The following TPO variants were observed in gnomAD, a reference collection of about 807,000 sequenced individuals.
TPO encodes thyroid peroxidase.
TPO carries 78 observed loss-of-function variants against 96.9 expected under a neutral mutation model. The ratio of observed to expected loss-of-function variants is 0.81; its 90% CI spans 0.67 to 0.97. TPO has a LOEUF of 0.97. Ranked by LOEUF, TPO falls within the 50% of genes least tolerant of loss-of-function variation. The pLI is 0.00. For synonymous variants in TPO, 547 were observed against 538.0 expected, an observed-to-expected ratio of 1.02 and a Z score of -0.23; for missense variants, 1,252 against 1,274.8, an observed-to-expected ratio of 0.98 and a Z score of 0.27.
chr2:1,450,877 A>G (rs922046825), intron 5 of TPO, among the ~76,000 whole-genome samples: 1 of 152,264 alleles, frequency 6.6e-6, no homozygotes, highest in East Asian at 1.9e-4. Flanking sequence ...TGAACACTTT[A>G]TTAAAGCAAT....
At chr2:1,467,469 T>C (rs1261536244) in intron 7 of TPO, among the ~76,000 whole-genome samples, 1 of 152,210 alleles carries the variant, frequency 6.6e-6, no homozygotes, top group Admixed American at 6.5e-5. Context: ...GAGCAGATTA[T>C]TTAATTTCCA....
chr2:1,540,723 G>T lies in TPO; in HGVS notation c.2748G>T (p.Gln916His), dbSNP rs992392323. The change falls in exon 16 of 17, where the codon CAG (glutamine) becomes CAT (histidine). Residue 916 changes from glutamine (Q) to histidine (H), a missense_variant and splice_region_variant. By Grantham distance (24) the Gln-to-His change is conservative (BLOSUM62 0). Transcript: ENST00000329066. ...GGGCCGCAGCTCAGGACTCGGAGCA[G>T]GTGGGCCACACCATGCCGCATGTTT... ...PQRAAAQDSE[Q>H]ESAGMEGRDT... 2 of 1,613,234 alleles carry T rather than the reference G, an allele frequency of 1.2e-6. No homozygotes were observed. The highest frequency in any genetic ancestry group is 1.7e-5 in the Admixed American group (1 of 60,010).
intron 5 of TPO, among the ~76,000 whole-genome samples, chr2:1,443,662 G>A (rs375511575): frequency 1.3e-3 from 161 of 128,250 alleles, no homozygotes; most frequent in Middle Eastern, 0.011. Context: ...GTATGATCCA[G>A]TCACTGCTGC....
chr2:1,497,629 G>A (rs1339992816), intron 13 of TPO, among the ~76,000 whole-genome samples: 1 of 152,162 alleles, frequency 6.6e-6, no homozygotes, highest in Non-Finnish European at 1.5e-5. Context: ...AGCAGGAATG[G>A]CTGCTGTTCT....
At chr2:1,489,161 AGCACACACCT>A (rs1157055033) in intron 10 of TPO, among the ~76,000 whole-genome samples, 1 of 143,868 alleles carries the variant, frequency 7.0e-6, no homozygotes, top group East Asian at 2.1e-4. Flanking sequence ...GCACATACCC[AGCACACACCT>A]GCACACGCCT....
At chr2:1,426,435 C>T (rs1471717829) in intron 3 of TPO, among the ~76,000 whole-genome samples, 1 of 152,084 alleles carries the variant, frequency 6.6e-6, no homozygotes, top group East Asian at 1.9e-4. Flanking sequence ...GAAGTCCATG[C>T]TTCTTCTGTA....
intron 15 of TPO, among the ~76,000 whole-genome samples, chr2:1,536,979 TC>T (rs1679833949): frequency 4.5e-5 from 1 of 22,188 alleles, no homozygotes; most frequent in Non-Finnish European, 7.7e-5. Flanking sequence ...CCCCCCAATC[TC>T]CCCCACTGTG....
intron 14 of TPO, among the ~76,000 whole-genome samples, chr2:1,511,070 G>A (rs1254456217): frequency 6.6e-6 from 1 of 152,198 alleles, no homozygotes; most frequent in African/African-American, 2.4e-5. Context: ...TATAGATTCA[G>A]GCGCTGATAT....
chr2:1,393,708 C>A (rs2148362438), intron 1 of TPO, among the ~76,000 whole-genome samples: 1 of 152,272 alleles, frequency 6.6e-6, no homozygotes, highest in East Asian at 1.9e-4. Context: ...AAAGAGAGTT[C>A]CTAACTGGAA....
chr2:1,442,867 G>A (rs921941481), intron 5 of TPO, among the ~76,000 whole-genome samples: 1 of 152,190 alleles, frequency 6.6e-6, no homozygotes, highest in Non-Finnish European at 1.5e-5. Flanking sequence ...GTAAATAATG[G>A]CCACCTTTGA....
At position 1,516,915 on chromosome 2, in the gene TPO, T is replaced by C. The variant is rs368434991; in HGVS notation, c.2551T>C (p.Ser851Pro). Residue 851 changes from serine to proline, a missense_variant, in exon 15 of 17, where the codon TCC becomes CCC. Coordinates refer to ENST00000329066, the MANE Select transcript of TPO (RefSeq NM_001206744.2). ...SGRLPRVTWI[S>P]MSLAALLIGG... ...GAGGCTCCCTCGGGTGACTTGGATC[T>C]CCATGTCGCTGGCTGCTCTGCTGAT... 7 of 1,613,990 alleles carry C rather than the reference T, an allele frequency of 4.3e-6. No homozygotes were observed. In the East Asian group the frequency reaches 6.7e-5, roughly 15 times the overall value.
intron 3 of TPO, among the ~76,000 whole-genome samples, chr2:1,432,220 G>A (rs1408842897): frequency 6.6e-6 from 1 of 152,264 alleles, no homozygotes; most frequent in Non-Finnish European, 1.5e-5. Flanking sequence ...GAAGGATGGT[G>A]AACTTGATGT....
At chr2:1,497,239 T>C (rs1185214424) in intron 13 of TPO, among the ~76,000 whole-genome samples, 2 of 152,168 alleles carry the variant, frequency 1.3e-5, no homozygotes, top group Non-Finnish European at 2.9e-5. Flanking sequence ...TGTGGACAAG[T>C]GTGGCTTCCT....
chr2:1,526,795 A>G (rs113380736), intron 15 of TPO, among the ~76,000 whole-genome samples: 1,307 of 73,952 alleles, frequency 0.018, 25 homozygotes, highest in South Asian at 0.067. Flanking sequence ...AATCTATGCA[A>G]CCTCCCCAAA....
intron 14 of TPO, among the ~76,000 whole-genome samples, chr2:1,505,389 GCCTGTGTCAGGCACACTGCCCCAT>G (rs1374916045): frequency 7.2e-5 from 2 of 27,894 alleles, no homozygotes; most frequent in African/African-American, 1.5e-4. Context: ...CACCCCACCA[GCCTGTGTCAGGCACACTGCCCCAT>G]CCTGTGTCAC....
intron 15 of TPO, among the ~76,000 whole-genome samples, chr2:1,529,676 T>A (rs1459400713): frequency 2.8e-5 from 2 of 70,740 alleles, no homozygotes; most frequent in African/African-American, 5.9e-5. Flanking sequence ...CCCCACTGTG[T>A]GCAACCTCCT....
chr2:1,491,949 G>A (rs2124903828), intron 10 of TPO, among the ~76,000 whole-genome samples: 1 of 152,308 alleles, frequency 6.6e-6, no homozygotes, highest in East Asian at 1.9e-4. Context: ...GTCAGGCTGA[G>A]GCAGCGCAGC....
intron 14 of TPO, among the ~76,000 whole-genome samples, chr2:1,512,097 G>T (rs1453580660): frequency 6.6e-6 from 1 of 151,556 alleles, no homozygotes; most frequent in Non-Finnish European, 1.5e-5. Context: ...GCAGTGGCGC[G>T]ATCTCAGCCC....
intron 1 of TPO, among the ~76,000 whole-genome samples, chr2:1,383,139 G>C (rs1229930493): frequency 2.6e-5 from 4 of 152,080 alleles, no homozygotes; most frequent in African/African-American, 4.8e-5. Flanking sequence ...TGGACATTAG[G>C]GTTGGTTCCA....
Sources: gnomAD v4.1 joint callset for allele counts (sites outside exome capture counted in the v4.1 genomes callset) on GRCh38, gnomAD v4.1.1 for gene constraint, MANE v1.5 for transcripts, NCBI Gene and HGNC (gene_info 2026-07-23, HGNC 2026-07-21) for gene names.